Variants in ATP12A observed in about 807,000 individuals in gnomAD.
ATP12A encodes potassium-transporting ATPase alpha chain 2.
ATP12A carries 81 observed loss-of-function variants against 111.2 expected under a neutral mutation model. That is an observed-to-expected ratio of 0.73 (90% CI 0.61 to 0.88). The LOEUF (loss-of-function observed/expected upper bound fraction) is 0.88. Among genes scored for constraint, ATP12A ranks in the 40% least tolerant of loss-of-function variants. ATP12A has a pLI of 0.00. For synonymous variants in ATP12A, 498 were observed against 499.8 expected, an observed-to-expected ratio of 1.00 and a Z score of 0.05; for missense variants, 1,196 against 1,313.1, an observed-to-expected ratio of 0.91 and a Z score of 1.38.
chr13:24,698,067 T>C (rs1875240251), intron 11 of ATP12A, among the ~76,000 whole-genome samples: 1 of 152,128 alleles, frequency 6.6e-6, no homozygotes, highest in African/African-American at 2.4e-5. Context: ...TTAGGATGGA[T>C]CTAGAAGTAG....
intron 3 of ATP12A, among the ~76,000 whole-genome samples, chr13:24,686,092 A>G (rs966121087): frequency 6.6e-6 from 1 of 152,222 alleles, no homozygotes; most frequent in Non-Finnish European, 1.5e-5. Context: ...AGGGTCTAGA[A>G]GAATGGAACA....
At position 24,700,885 on chromosome 13, in the gene ATP12A, C is replaced by G. The variant is rs1352413016; in HGVS notation, c.1844C>G (p.Pro615Arg). The G allele has an allele frequency of 6.2e-7, 1 of 1,614,206 alleles. No homozygotes were observed. Among genetic ancestry groups the G allele is most frequent in the Non-Finnish European group, 8.5e-7 (1 of 1,180,038 alleles). Residue 615 changes from proline (P) to arginine (R), a missense_variant, in exon 13 of 23, where the codon CCA (proline) becomes CGA (arginine). Transcript: ENST00000381946. ...SMIDPPRSTV[P>R]DAVTKCRSAG... ...ATCGATCCCCCTCGGTCCACCGTGC[C>G]AGATGCAGTCACCAAATGCCGGAGT...
At chr13:24,705,696 G>T (rs955522380) in intron 14 of ATP12A, among the ~76,000 whole-genome samples, 4 of 152,092 alleles carry the variant, frequency 2.6e-5, no homozygotes, top group Non-Finnish European at 5.9e-5. Context: ...TTGAGACAGG[G>T]TCTCACTTTG....
rs888749806 is a variant in ATP12A, at chr13:24,686,850, C to A, written c.229-1469C>A. Among the ~76,000 whole-genome samples the A allele has an allele frequency of 2.6e-4, 39 of 151,974 alleles. 1 individual carries two copies. The highest frequency in any genetic ancestry group is 2.0e-4 in the Admixed American group (3 of 15,254). On this transcript the variant is annotated intron_variant, in intron 3 of 22. Transcript: ENST00000381946. ...GGGATTTTTATTGAGCCCCTCATCT[C>A]GCTAGTCATGTCACAGCAGCAGGAG...
intron 10 of ATP12A, 91 bp downstream of exon 10, chr13:24,692,987 T>G (rs1874978680): frequency 1.6e-6 from 2 of 1,249,840 alleles, no homozygotes; most frequent in East Asian, 4.7e-5. Context: ...ATCTCTCCAG[T>G]TGCTTAAAGT....
chr13:24,690,805 C>A, intron 7 of ATP12A, 84 bp downstream of exon 7: 1 of 1,455,026 alleles, frequency 6.9e-7, no homozygotes, highest in Non-Finnish European at 9.4e-7. Flanking sequence ...TTTGCCACAC[C>A]CCGTTACAAA....
chr13:24,707,465 G>T (rs1457684772), intron 17 of ATP12A, 32 bp downstream of exon 17: 3 of 1,613,590 alleles, frequency 1.9e-6, no homozygotes, highest in Non-Finnish European at 2.5e-6. Context: ...AGGCTGTGAT[G>T]CCTGCCCCAG....
intron 14 of ATP12A, 48 bp from the exon 15 acceptor site, chr13:24,706,265 C>T (rs374394991): frequency 2.0e-4 from 326 of 1,597,784 alleles, no homozygotes; most frequent in Non-Finnish European, 2.6e-4. Flanking sequence ...AGTGTTTCAA[C>T]CTAAGATCTG....
intron 3 of ATP12A, among the ~76,000 whole-genome samples, chr13:24,687,629 A>G (rs1874718001): frequency 6.6e-6 from 1 of 152,226 alleles, no homozygotes; most frequent in Non-Finnish European, 1.5e-5. Context: ...CAGGCCCCCC[A>G]GGGCAGGGGC....
chr13:24,696,224 C>G (rs12870584), intron 11 of ATP12A, among the ~76,000 whole-genome samples: 1 of 152,056 alleles, frequency 6.6e-6, no homozygotes, highest in South Asian at 2.1e-4. Flanking sequence ...GTTGAGGTGC[C>G]GCGCATCAGT....
chr13:24,707,646 T>G (rs1299834809), intron 17 of ATP12A, among the ~76,000 whole-genome samples: 3 of 152,240 alleles, frequency 2.0e-5, no homozygotes, highest in Non-Finnish European at 4.4e-5. Context: ...CAGAGGCATC[T>G]GCCAAATGTT....
chr13:24,712,394 G>T lies in ATP12A; in HGVS notation c.*872G>T, dbSNP rs1275108189. The T allele has an allele frequency of 1.3e-5, 2 of 152,128 alleles. No individual in the cohort carries two copies. Among genetic ancestry groups the T allele is most frequent in the Admixed American group, 6.5e-5 (1 of 15,272 alleles). The allele number at this position is 152,128 out of a possible 1,614,324, so 9.4% of individuals were successfully genotyped here. ...AGTCATGTTTCATGTTTTAACTTAGGTGTATTCATGTGTGACACTTCCATG... is the reference window on the plus strand; with the variant it reads ...AGTCATGTTTCATGTTTTAACTTAGTTGTATTCATGTGTGACACTTCCATG... On this transcript the variant is annotated 3_prime_UTR_variant, in exon 23 of 23. Coordinates refer to ENST00000381946, the MANE Select transcript of ATP12A (RefSeq NM_001676.7).
Position 24,703,258 on chromosome 13 carries a change from A to G in ATP12A, c.2018+1187A>G, listed in dbSNP as rs185273401. Among the ~76,000 whole-genome samples, 699 of 146,994 alleles carry G rather than the reference A, an allele frequency of 4.8e-3. 8 individuals carry two copies. Among genetic ancestry groups the G allele is most frequent in the African/African-American group, 0.016 (635 of 40,000 alleles). The stretch of plus-strand genomic sequence containing the variant: ...ATTTTGTTTGTTTGTTTGTTTGTTT[A>G]TTTAGACAGAGTCTCTCTCTGTCAC... On this transcript the variant is annotated intron_variant, in intron 14 of 22. Coordinates refer to ENST00000381946, the MANE Select transcript of ATP12A (RefSeq NM_001676.7).
In ATP12A at chr13:24,705,253, C is replaced by T. The variant is rs190612470; in HGVS notation, c.2019-1060C>T. On this transcript the variant is annotated intron_variant, in intron 14 of 22. Transcript: ENST00000381946. ...CCATTCCTGGTCAGGGAGCGAGACC[C>T]GTGAAGGCCTTAGGGTACAGGGGAT... is the stretch of plus-strand genomic sequence containing the variant. Among the ~76,000 whole-genome samples, 27 of 152,308 alleles carry T rather than the reference C, an allele frequency of 1.8e-4. No individual in the cohort carries two copies. The East Asian group carries it at 4.6e-3, about 26-fold the overall frequency.
rs1407435695 is a variant in ATP12A, at chr13:24,710,483, A to G, written c.2787A>G (p.Leu929=). Reference sequence around the variant, plus strand: ...AGACAAGGTACCAGAGGGAATACCTAGAATGGACGGGCTACACGGCTTTCT... The same window carrying G: ...AGACAAGGTACCAGAGGGAATACCTGGAATGGACGGGCTACACGGCTTTCT... ...QEWTRYQREY[L]EWTGYTAFFV... Residue 929 remains leucine (L), a synonymous_variant, in exon 20 of 23, where the codon CTA becomes CTG. Transcript: ENST00000381946. 1 of 1,614,202 alleles carries G rather than the reference A, an allele frequency of 6.2e-7. No individual in the cohort carries two copies. Among genetic ancestry groups the G allele is most frequent in the Admixed American group, 1.7e-5 (1 of 60,028 alleles).
intron 17 of ATP12A, 70 bp downstream of exon 17, chr13:24,707,503 T>C: frequency 6.3e-7 from 1 of 1,588,470 alleles, no homozygotes; most frequent in Non-Finnish European, 8.6e-7. Flanking sequence ...GTCGCTACCT[T>C]CAAGGGCCGG....
rs766312989 is a variant in ATP12A, at chr13:24,691,196, C to T, written c.1014C>T (p.Phe338=). 6.2e-7 allele frequency: 1 copy of T among 1,614,166 alleles called. No individual in the cohort carries two copies. The highest frequency in any genetic ancestry group is 1.7e-5 in the Admixed American group (1 of 60,022). The change falls in exon 8 of 23, where the codon TTC becomes TTT. Residue 338 remains phenylalanine, a synonymous_variant. Coordinates refer to ENST00000381946, the MANE Select transcript of ATP12A (RefSeq NM_001676.7). The part of the protein sequence containing the change: ...LKYQVLDSII[F]LIGIIVANVP... Reference sequence around the variant, plus strand: ...ATCAAGTCCTGGACTCCATCATCTTCCTCATTGGCATCATTGTGGCCAATG... The same window carrying T: ...ATCAAGTCCTGGACTCCATCATCTTTCTCATTGGCATCATTGTGGCCAATG...
At position 24,712,423 on chromosome 13, in the gene ATP12A, AC is replaced by A. The variant is rs1876011465; in HGVS notation, c.*902del. 6.6e-6 allele frequency: 1 copy of A among 152,226 alleles called. No individual in the cohort carries two copies. The highest frequency in any genetic ancestry group is 2.1e-4 in the South Asian group (1 of 4,828). 9.4% of individuals were successfully genotyped at this position (152,226 alleles called of 1,614,324 possible). A position where few individuals can be genotyped will look rare whatever the true frequency, so the allele number is the denominator to read the frequency against. ...ATTCATGTGTGACACTTCCATGTTG[AC>A]AGGCCCGGAAAGGCCTCATTTTTAA... On this transcript the variant is annotated 3_prime_UTR_variant, in exon 23 of 23. Transcript: ENST00000381946.
chr13:24,694,366 T>C, intron 10 of ATP12A, 78 bp from the exon 11 acceptor site: 1 of 1,550,180 alleles, frequency 6.5e-7, no homozygotes, highest in Admixed American at 1.9e-5. Context: ...ATCAGGAGGG[T>C]GTGTTTTGGG....
Sources: allele counts gnomAD v4.1 joint callset (sites outside exome capture counted in the v4.1 genomes callset), GRCh38; gene constraint gnomAD v4.1.1; transcripts MANE v1.5; gene names NCBI Gene and HGNC (gene_info 2026-07-23, HGNC 2026-07-21).